HPS6: variants seen among roughly 807,000 people sequenced by gnomAD.
The protein encoded by HPS6 is HPS6 biogenesis of lysosomal organelles complex 2 subunit 3, also known as BLOC-2 complex member HPS6.
In HPS6, 46 loss-of-function variants were observed where a neutral mutation model predicts 53.6. The ratio of observed to expected loss-of-function variants is 0.86; its 90% CI spans 0.68 to 1.10. The LOEUF (loss-of-function observed/expected upper bound fraction) is 1.10. Ranked by LOEUF, HPS6 falls within the 50% of genes least tolerant of loss-of-function variation. HPS6 has a pLI of 0.00. For missense variants in HPS6, 1,034 were observed against 991.3 expected (o/e 1.04, Z -0.58); for synonymous variants, 535 against 470.8 (o/e 1.14, Z -1.77).
In HPS6 at chr10:102,067,143, C is replaced by A. The variant is rs776774287; in HGVS notation, c.1669C>A (p.Pro557Thr). The A allele has an allele frequency of 1.2e-5, 20 of 1,613,910 alleles. No homozygotes were observed. The highest frequency in any genetic ancestry group is 1.5e-5 in the Non-Finnish European group (18 of 1,180,008). ...AGGGGGAATAACCGCTGGAAAGGAA[C>A]CCCCCAATGGAATACTGCCCCCCTT... ...VLGGITAGKE[P>T]PNGILPPFEL... The change falls in exon 1 of 1, where the codon CCC (proline) becomes ACC (threonine). Residue 557 changes from proline to threonine, a missense_variant. Physicochemically the swap from Pro to Thr is conservative, Grantham distance 38. Transcript: ENST00000299238.
chr10:102,066,989 G>C lies in HPS6; in HGVS notation c.1515G>C (p.Gln505His). ...AGTTGATAGGAGACCAGCTAGCCCAGCTCAACACCGTTTTCCAAGCCCTTC... is the reference window on the plus strand; with the variant it reads ...AGTTGATAGGAGACCAGCTAGCCCACCTCAACACCGTTTTCCAAGCCCTTC... Reference protein sequence around the residue: ...RTELIGDQLAQLNTVFQALPT... With the variant: ...RTELIGDQLAHLNTVFQALPT... The change falls in exon 1 of 1, where the codon CAG becomes CAC. Residue 505 changes from glutamine to histidine, a missense_variant. Transcript: ENST00000299238. 2 of 1,614,182 alleles carry C rather than the reference G, an allele frequency of 1.2e-6. No individual in the cohort carries two copies. Among genetic ancestry groups the C allele is most frequent in the Non-Finnish European group, 1.7e-6 (2 of 1,180,040 alleles).
rs745779384 is a variant in HPS6, at chr10:102,065,594, C to T, written c.120C>T (p.Gly40=). Residue 40 remains glycine (G), a synonymous_variant, in exon 1 of 1, where the codon GGC becomes GGT. Transcript: ENST00000299238. ...SAVRVRGSPD[G]RHLLLLRPPG... is the part of the protein sequence containing the mutation. ...TCCGAGTCCGTGGCAGTCCGGACGG[C>T]CGCCACTTGCTGCTCCTGCGACCCC... is the stretch of plus-strand genomic sequence containing the variant. 7.6e-5 allele frequency: 117 copies of T among 1,545,896 alleles called. No individual in the cohort carries two copies. The Admixed American group carries it at 1.6e-3, about 22-fold the overall frequency.
At position 102,066,994 on chromosome 10, in the gene HPS6, A is replaced by C; in HGVS notation, c.1520A>C (p.Asn507Thr). 6.2e-7 allele frequency: 1 copy of C among 1,614,184 alleles called. No homozygotes were observed. The highest frequency in any genetic ancestry group is 1.1e-5 in the South Asian group (1 of 91,088). ...ELIGDQLAQL[N>T]TVFQALPTAA... Reference sequence around the variant, plus strand: ...ATAGGAGACCAGCTAGCCCAGCTCAACACCGTTTTCCAAGCCCTTCCTACA... The same window carrying C: ...ATAGGAGACCAGCTAGCCCAGCTCACCACCGTTTTCCAAGCCCTTCCTACA... Residue 507 changes from asparagine (N) to threonine (T), a missense_variant, in exon 1 of 1, where the codon AAC becomes ACC. Transcript: ENST00000299238.
In HPS6 at chr10:102,065,780, G is replaced by T; in HGVS notation, c.306G>T (p.Glu102Asp). 1.3e-6 allele frequency: 2 copies of T among 1,496,368 alleles called. No homozygotes were observed. The highest frequency in any genetic ancestry group is 1.8e-6 in the Non-Finnish European group (2 of 1,131,550). 92.7% of individuals were successfully genotyped at this position (1,496,368 alleles called of 1,614,324 possible). The change falls in exon 1 of 1, where the codon GAG (glutamate) becomes GAT (aspartate). Residue 102 changes from glutamate (E) to aspartate (D), a missense_variant. By Grantham distance (45) the Glu-to-Asp change is conservative. Coordinates refer to ENST00000299238, the MANE Select transcript of HPS6 (RefSeq NM_024747.6). ...LVLVWESGLA[E>D]VWGAGVGPGW... Reference sequence around the variant, plus strand: ...TGGTGTGGGAGAGTGGCCTGGCCGAGGTGTGGGGCGCGGGCGTGGGGCCTG... The same window carrying T: ...TGGTGTGGGAGAGTGGCCTGGCCGATGTGTGGGGCGCGGGCGTGGGGCCTG...
rs2067983982 is a variant in HPS6 at position 102,067,930 on chromosome 10, C to T, written c.*128C>T. The T allele has an allele frequency of 5.2e-6, 6 of 1,161,872 alleles. No homozygotes were observed. The highest frequency in any genetic ancestry group is 3.7e-5 in the Admixed American group (2 of 54,052). The allele number at this position is 1,161,872 out of a possible 1,614,324, so 72.0% of individuals were successfully genotyped here. A position where few individuals can be genotyped will look rare whatever the true frequency, so the allele number is the denominator to read the frequency against. On this transcript the variant is annotated 3_prime_UTR_variant, in exon 1 of 1. Transcript: ENST00000299238. ...AGGACACAGTGATCAGGGAAGGGTG[C>T]CTGGGACTTGGAGGGTCCCATGTAT...
chr10:102,065,822 G>A lies in HPS6; in HGVS notation c.348G>A (p.Gln116=), dbSNP rs1207513659. 6.6e-7 allele frequency: 1 copy of A among 1,507,878 alleles called. No homozygotes were observed. The highest frequency in any genetic ancestry group is 1.3e-5 in the South Asian group (1 of 79,602). 93.4% of individuals were successfully genotyped at this position (1,507,878 alleles called of 1,614,324 possible). ...TGGGGCCTGGCTGGCGGCCGCTGCA[G>A]AGCACCGAGCTGTGTCCGGGCGGGG... is the stretch of plus-strand genomic sequence containing the variant. ...AGVGPGWRPL[Q]STELCPGGGA... The change falls in exon 1 of 1, where the codon CAG becomes CAA. Residue 116 remains glutamine (Q), a synonymous_variant. Coordinates refer to ENST00000299238, the MANE Select transcript of HPS6 (RefSeq NM_024747.6).
Position 102,066,784 on chromosome 10 carries a change from C to T in HPS6, c.1310C>T (p.Ala437Val). Residue 437 changes from alanine (A) to valine (V), a missense_variant, in exon 1 of 1, where the codon GCT becomes GTT. By Grantham distance (64) the Ala-to-Val change is moderately conservative (BLOSUM62 0). Coordinates refer to ENST00000299238, the MANE Select transcript of HPS6 (RefSeq NM_024747.6). ...RHSSTFRAPQ[A>V]LASILQGHLP... ...AGCAGCACATTCCGGGCACCTCAGG[C>T]TCTGGCCTCCATCCTCCAGGGCCAC... The T allele has an allele frequency of 6.2e-7, 1 of 1,614,186 alleles. No individual in the cohort carries two copies. Among genetic ancestry groups the T allele is most frequent in the Non-Finnish European group, 8.5e-7 (1 of 1,180,034 alleles).
rs1166656941 is a variant in HPS6, at chr10:102,066,194, T to C, written c.720T>C (p.Ser240=). The change falls in exon 1 of 1, where the codon AGT becomes AGC. Residue 240 remains serine, a synonymous_variant. Coordinates refer to ENST00000299238, the MANE Select transcript of HPS6 (RefSeq NM_024747.6). ...GGCTTGGTCTCTCCTACAGTAAGAG[T>C]CTGAATCCTGGACGAGGGGACACAT... ...APRLGLSYSK[S]LNPGRGDTWD... is the part of the protein sequence containing the mutation. 1 of 1,613,452 alleles carries C rather than the reference T, an allele frequency of 6.2e-7. No individual in the cohort carries two copies. The highest frequency in any genetic ancestry group is 1.7e-5 in the Admixed American group (1 of 60,010).
chr10:102,066,679 T>C lies in HPS6; in HGVS notation c.1205T>C (p.Leu402Pro). Reference sequence around the variant, plus strand: ...GTTGAGTTGCCTTCAGCCAAGGATCTGGTGTTTGAGGAGGCCTGCGGGTAC... The same window carrying C: ...GTTGAGTTGCCTTCAGCCAAGGATCCGGTGTTTGAGGAGGCCTGCGGGTAC... ...QGVELPSAKD[L>P]VFEEACGYYQ... Residue 402 changes from leucine to proline, a missense_variant, in exon 1 of 1, where the codon CTG becomes CCG. Leu to Pro is a moderately conservative substitution (Grantham distance 98). Coordinates refer to ENST00000299238, the MANE Select transcript of HPS6 (RefSeq NM_024747.6). The C allele has an allele frequency of 6.2e-7, 1 of 1,613,956 alleles. No homozygotes were observed. Among genetic ancestry groups the C allele is most frequent in the Non-Finnish European group, 8.5e-7 (1 of 1,180,038 alleles).
At position 102,067,734 on chromosome 10, in the gene HPS6, C is replaced by T. The variant is rs202188533; in HGVS notation, c.2260C>T (p.Leu754=). ...TCAAGGATGGCTGTCGGGCCCAGTT[C>T]TAAGCCCATATGAGGACATCCTATG... ...GAQGWLSGPV[L]SPYEDILWDP... Residue 754 remains leucine, a synonymous_variant, in exon 1 of 1, where the codon CTA becomes TTA. Transcript: ENST00000299238. 2 of 1,613,350 alleles carry T rather than the reference C, an allele frequency of 1.2e-6. No homozygotes were observed. Among genetic ancestry groups the T allele is most frequent in the Non-Finnish European group, 1.7e-6 (2 of 1,180,042 alleles).
Position 102,067,947 on chromosome 10 carries a change from C to T in HPS6, c.*145C>T. 3 of 911,484 alleles carry T rather than the reference C, an allele frequency of 3.3e-6. No homozygotes were observed. Among genetic ancestry groups the T allele is most frequent in the Non-Finnish European group, 5.4e-6 (3 of 556,944 alleles). 56.5% of individuals were successfully genotyped at this position (911,484 alleles called of 1,614,324 possible). A position where few individuals can be genotyped will look rare whatever the true frequency, so the allele number is the denominator to read the frequency against. ...GAAGGGTGCCTGGGACTTGGAGGGT[C>T]CCATGTATGGACCTGTGTATGCAAT... is the stretch of plus-strand genomic sequence containing the variant. On this transcript the variant is annotated 3_prime_UTR_variant, in exon 1 of 1. Coordinates refer to ENST00000299238, the MANE Select transcript of HPS6 (RefSeq NM_024747.6).
Position 102,065,768 on chromosome 10 carries a change from T to G in HPS6, c.294T>G (p.Ser98Arg), listed in dbSNP as rs2067963765. 2 of 1,498,838 alleles carry G rather than the reference T, an allele frequency of 1.3e-6. No homozygotes were observed. Among genetic ancestry groups the G allele is most frequent in the South Asian group, 2.5e-5 (2 of 80,310 alleles). 92.8% of individuals were successfully genotyped at this position (1,498,838 alleles called of 1,614,324 possible). A position where few individuals can be genotyped will look rare whatever the true frequency, so the allele number is the denominator to read the frequency against. Residue 98 changes from serine (S) to arginine (R), a missense_variant, in exon 1 of 1, where the codon AGT becomes AGG. By Grantham distance (110) the Ser-to-Arg change is moderately radical. Transcript: ENST00000299238. Reference sequence around the variant, plus strand: ...CGGCGCTGGTGCTGGTGTGGGAGAGTGGCCTGGCCGAGGTGTGGGGCGCGG... The same window carrying G: ...CGGCGCTGGTGCTGGTGTGGGAGAGGGGCCTGGCCGAGGTGTGGGGCGCGG... ...ARPALVLVWE[S>R]GLAEVWGAGV...
Position 102,067,265 on chromosome 10 carries a change from A to G in HPS6, c.1791A>G (p.Ala597=), listed in dbSNP as rs1335269000. Residue 597 remains alanine, a synonymous_variant, in exon 1 of 1, where the codon GCA becomes GCG. Transcript: ENST00000299238. The part of the protein sequence containing the change: ...AQQQGGPGWG[A]GGPGLPLYRR... Reference sequence around the variant, plus strand: ...AGCAGGGCGGGCCGGGCTGGGGGGCAGGGGGCCCAGGACTGCCCCTGTATC... The same window carrying G: ...AGCAGGGCGGGCCGGGCTGGGGGGCGGGGGGCCCAGGACTGCCCCTGTATC... 6.2e-7 allele frequency: 1 copy of G among 1,612,642 alleles called. No individual in the cohort carries two copies. The highest frequency in any genetic ancestry group is 8.5e-7 in the Non-Finnish European group (1 of 1,179,788).
chr10:102,065,670 G>C lies in HPS6; in HGVS notation c.196G>C (p.Glu66Gln). ...LLVASRGPGA[E>Q]LERAWPAGQP... is the part of the protein sequence containing the mutation. The stretch of plus-strand genomic sequence containing the variant: ...AGTCGCGTCGCGAGGGCCCGGCGCG[G>C]AGCTAGAGCGGGCCTGGCCGGCCGG... Residue 66 changes from glutamate (E) to glutamine (Q), a missense_variant, in exon 1 of 1, where the codon GAG becomes CAG. By Grantham distance (29) the Glu-to-Gln change is conservative. Coordinates refer to ENST00000299238, the MANE Select transcript of HPS6 (RefSeq NM_024747.6). 2 of 1,534,560 alleles carry C rather than the reference G, an allele frequency of 1.3e-6. No individual in the cohort carries two copies. Among genetic ancestry groups the C allele is most frequent in the Non-Finnish European group, 1.7e-6 (2 of 1,151,358 alleles).
Position 102,067,112 on chromosome 10 carries a change from A to G in HPS6, c.1638A>G (p.Lys546=). 4 of 1,614,100 alleles carry G rather than the reference A, an allele frequency of 2.5e-6. No homozygotes were observed. In the South Asian group the frequency reaches 4.4e-5, roughly 18 times the overall value. Residue 546 remains lysine, a synonymous_variant, in exon 1 of 1, where the codon AAA becomes AAG. Coordinates refer to ENST00000299238, the MANE Select transcript of HPS6 (RefSeq NM_024747.6). ...RSQAPPDVWK[K]VLGGITAGKE... ...AAGCACCCCCTGATGTGTGGAAGAA[A>G]GTGTTAGGGGGAATAACCGCTGGAA...
rs764640708 is a variant in HPS6, at chr10:102,067,586, C to G, written c.2112C>G (p.Leu704=). 23 of 1,613,788 alleles carry G rather than the reference C, an allele frequency of 1.4e-5. 1 individual carries two copies. In the South Asian group the frequency reaches 2.5e-4, roughly 18 times the overall value. ...LCPPELAPAE[L]LLLLRTYLPD... ...CACCAGAACTGGCTCCAGCTGAGCT[C>G]CTGCTTCTACTGAGGACATACCTCC... Residue 704 remains leucine (L), a synonymous_variant, in exon 1 of 1, where the codon CTC becomes CTG. Coordinates refer to ENST00000299238, the MANE Select transcript of HPS6 (RefSeq NM_024747.6).
rs1055863864 is a variant in HPS6, at chr10:102,065,356, C to T, written c.-119C>T. ...GTCGACGCTCGGCCCGGCCTCTGCT[C>T]ACCTCATCCACGGGAGACGGAAGTC... On this transcript the variant is annotated 5_prime_UTR_variant, in exon 1 of 1. Coordinates refer to ENST00000299238, the MANE Select transcript of HPS6 (RefSeq NM_024747.6). 23 of 1,058,844 alleles carry T rather than the reference C, an allele frequency of 2.2e-5. No homozygotes were observed. The Admixed American group carries it at 2.7e-4, about 12-fold the overall frequency. 65.6% of individuals were successfully genotyped at this position (1,058,844 alleles called of 1,614,324 possible).
At position 102,065,648 on chromosome 10, in the gene HPS6, C is replaced by G; in HGVS notation, c.174C>G (p.Val58=). 1 of 1,541,104 alleles carries G rather than the reference C, an allele frequency of 6.5e-7. No homozygotes were observed. Among genetic ancestry groups the G allele is most frequent in the Non-Finnish European group, 8.7e-7 (1 of 1,155,030 alleles). ...PPGAVAPQLL[V]ASRGPGAELE... is the part of the protein sequence containing the mutation. ...GGGCGGTAGCCCCACAGCTGCTAGT[C>G]GCGTCGCGAGGGCCCGGCGCGGAGC... is the stretch of plus-strand genomic sequence containing the variant. The change falls in exon 1 of 1, where the codon GTC becomes GTG. Residue 58 remains valine (V), a synonymous_variant. Coordinates refer to ENST00000299238, the MANE Select transcript of HPS6 (RefSeq NM_024747.6).
At position 102,065,457 on chromosome 10, in the gene HPS6, C is replaced by G; in HGVS notation, c.-18C>G. ...TGGACCTGGGCAAAGCCTGGGCGCG[C>G]TCCCGCGCAGCGGCGCCATGAAGCG... On this transcript the variant is annotated 5_prime_UTR_variant, in exon 1 of 1. Transcript: ENST00000299238. 6.5e-7 allele frequency: 1 copy of G among 1,548,062 alleles called. No individual in the cohort carries two copies. The highest frequency in any genetic ancestry group is 8.6e-7 in the Non-Finnish European group (1 of 1,158,674).
Sources: gnomAD v4.1 joint callset for allele counts on GRCh38, gnomAD v4.1.1 for gene constraint, MANE v1.5 for transcripts, NCBI Gene and HGNC (gene_info 2026-07-23, HGNC 2026-07-21) for gene names.